Variants in CCDC25 observed in about 807,000 individuals in gnomAD.
The protein encoded by CCDC25 is coiled-coil domain-containing protein 25.
A neutral mutation model predicts 35.3 loss-of-function variants in CCDC25; 16 were observed. That is an observed-to-expected ratio of 0.45 (90% confidence interval 0.31 to 0.69). CCDC25 has a LOEUF of 0.69. CCDC25 is among the 30% of genes least tolerant of loss of function. CCDC25 has a pLI of 0.06. For synonymous variants in CCDC25, 79 were observed against 80.3 expected (o/e 0.98, Z 0.09); for missense variants, 179 against 250.7 (o/e 0.71, Z 1.93).
intron 7 of CCDC25, among the ~76,000 whole-genome samples, chr8:27,746,612 G>T (rs1047094802): frequency 4.6e-5 from 7 of 152,100 alleles, no homozygotes; most frequent in Non-Finnish European, 8.8e-5. Context: ...GCATCACTCA[G>T]AATTTCACAA....
intron 1 of CCDC25, among the ~76,000 whole-genome samples, chr8:27,768,402 T>C (rs543381171): frequency 6.6e-6 from 1 of 151,902 alleles, no homozygotes; most frequent in African/African-American, 2.4e-5. Context: ...CTGTCTCCAC[T>C]AAAAATTCAA....
At chr8:27,760,280 C>G (rs527708516) in intron 3 of CCDC25, among the ~76,000 whole-genome samples, 1 of 152,278 alleles carries the variant, frequency 6.6e-6, no homozygotes, top group African/African-American at 2.4e-5. Context: ...AGGTAGAAGG[C>G]TGTGGTACAC....
chr8:27,745,078 C>T (rs1350414129), intron 7 of CCDC25, among the ~76,000 whole-genome samples: 4 of 152,150 alleles, frequency 2.6e-5, no homozygotes, highest in Non-Finnish European at 5.9e-5. Flanking sequence ...TCACTGCAGC[C>T]TCAGCCAACA....
chr8:27,769,879 C>T (rs1049528660), intron 1 of CCDC25, among the ~76,000 whole-genome samples: 8 of 152,222 alleles, frequency 5.3e-5, no homozygotes, highest in African/African-American at 1.9e-4. Flanking sequence ...TGGTGATTCA[C>T]GCCTTTAATC....
At position 27,761,018 on chromosome 8, in the gene CCDC25, A is replaced by G. The variant is rs1448774216; in HGVS notation, c.116+1401T>C. ...ATGATGGGTGCCTGTAGTCCCAGCT[A>G]CTCGGGAGGCTGAGGCAGGAGAATC... On this transcript the variant is annotated intron_variant, in intron 3 of 8. Coordinates refer to ENST00000356537, the MANE Select transcript of CCDC25 (RefSeq NM_018246.3). Among the ~76,000 whole-genome samples the G allele has an allele frequency of 2.6e-5, 4 of 152,028 alleles. No individual in the cohort carries two copies. The East Asian group carries it at 7.7e-4, about 29-fold the overall frequency.
intron 8 of CCDC25, among the ~76,000 whole-genome samples, chr8:27,738,582 G>A (rs561649101): frequency 1.9e-4 from 27 of 142,322 alleles, no homozygotes; most frequent in African/African-American, 6.8e-4. Context: ...GTATATGTAT[G>A]TATGTAGGTC....
chr8:27,759,766 C>A (rs1431942611), intron 3 of CCDC25, among the ~76,000 whole-genome samples: 1 of 55,402 alleles, frequency 1.8e-5, no homozygotes, highest in Non-Finnish European at 3.3e-5. Flanking sequence ...GGTGACAGAG[C>A]AAGACTCTGT....
rs1022434609 is a variant in CCDC25, at chr8:27,735,259, G to A, written c.*957C>T. 6.6e-6 allele frequency: 1 copy of A among 152,538 alleles called. No individual in the cohort carries two copies. The highest frequency in any genetic ancestry group is 2.4e-5 in the African/African-American group (1 of 41,410). 9.4% of individuals were successfully genotyped at this position (152,538 alleles called of 1,614,324 possible). On this transcript the variant is annotated 3_prime_UTR_variant, in exon 9 of 9. Transcript: ENST00000356537. ...AATAAATGGAAACACTAGCCTTTTG[G>A]TTTTGCCCACAGTTCCAAAGTGCTA...
intron 5 of CCDC25, among the ~76,000 whole-genome samples, chr8:27,750,506 T>G (rs1319368418): frequency 1.3e-5 from 2 of 152,186 alleles, no homozygotes; most frequent in Non-Finnish European, 2.9e-5. Flanking sequence ...ATGTGGACCT[T>G]GAACCTTAGC....
rs1225585929 is a variant in CCDC25 at position 27,772,514 on chromosome 8, G to C, written c.27C>G (p.Ser9Arg). 22 of 1,549,754 alleles carry C rather than the reference G, an allele frequency of 1.4e-5. No individual in the cohort carries two copies. Among genetic ancestry groups the C allele is most frequent in the Non-Finnish European group, 1.8e-5 (21 of 1,146,572 alleles). The stretch of plus-strand genomic sequence containing the variant: ...CAGGAGGACGTGGCGCCCACTCACC[G>C]CTGCTGCTGGTGAAGTAGAACACCA... MVFYFTSS[S>R]VNSSAYTIYM... Residue 9 changes from serine to arginine, a missense_variant and splice_region_variant, in exon 1 of 9, where the codon AGC becomes AGG. By Grantham distance (110) the Ser-to-Arg change is moderately radical. Coordinates refer to ENST00000356537, the MANE Select transcript of CCDC25 (RefSeq NM_018246.3).
intron 7 of CCDC25, among the ~76,000 whole-genome samples, chr8:27,747,259 C>G (rs1803635820): frequency 1.3e-5 from 2 of 152,118 alleles, no homozygotes; most frequent in Non-Finnish European, 2.9e-5. Flanking sequence ...TGGATTAACT[C>G]AATCTAATCA....
intron 4 of CCDC25, among the ~76,000 whole-genome samples, chr8:27,754,209 T>G (rs1021701952): frequency 1.3e-5 from 2 of 152,190 alleles, no homozygotes; most frequent in Non-Finnish European, 2.9e-5. Flanking sequence ...TTCATAATGC[T>G]GAAAAATTGG....
At chr8:27,741,611 G>C (rs1416646202) in intron 7 of CCDC25, among the ~76,000 whole-genome samples, 1 of 152,166 alleles carries the variant, frequency 6.6e-6, no homozygotes, top group African/African-American at 2.4e-5. Context: ...CTAGGAGGTG[G>C]AGGTTGCAGT....
intron 2 of CCDC25, chr8:27,764,670 T>C (rs940486169): frequency 1.4e-5 from 3 of 221,124 alleles, no homozygotes; most frequent in Non-Finnish European, 2.8e-5. Context: ...ATCTGTGACA[T>C]AAATTATGTA....
At chr8:27,748,786 T>C (rs1803694756) in intron 5 of CCDC25, among the ~76,000 whole-genome samples, 188 bp from the exon 6 acceptor site, 1 of 152,168 alleles carries the variant, frequency 6.6e-6, no homozygotes, top group African/African-American at 2.4e-5. Context: ...GCTGACAAAA[T>C]TCAAACGGAA....
chr8:27,764,974 T>A (rs1804350725), intron 2 of CCDC25, among the ~76,000 whole-genome samples: 1 of 152,268 alleles, frequency 6.6e-6, no homozygotes, highest in African/African-American at 2.4e-5. Context: ...TTTCTCCTAC[T>A]AACCCATAAA....
In CCDC25 at chr8:27,737,280, CTG is replaced by C. The variant is rs1803267827; in HGVS notation, c.598-1037_598-1036del. Among the ~76,000 whole-genome samples, 1 of 152,170 alleles carries C rather than the reference CTG, an allele frequency of 6.6e-6. No homozygotes were observed. ...ACTATGATTGCCCCAGAGTCTTAAT[CTG>C]AAATAAAAGCAGTAGCAATGTTTGA... On this transcript the variant is annotated intron_variant, in intron 8 of 8. Coordinates refer to ENST00000356537, the MANE Select transcript of CCDC25 (RefSeq NM_018246.3). This position sits in a 1 kb window ranked among gnomAD's most constrained non-coding sequence, Gnocchi z 4.6.
chr8:27,769,401 T>G (rs927583885), intron 1 of CCDC25, among the ~76,000 whole-genome samples: 1 of 152,128 alleles, frequency 6.6e-6, no homozygotes, highest in Non-Finnish European at 1.5e-5. Flanking sequence ...CAGAGTAACT[T>G]TAAGGGGAAT....
chr8:27,765,059 G>C (rs1477808721), intron 2 of CCDC25, 145 bp downstream of exon 2: 1 of 670,582 alleles, frequency 1.5e-6, no homozygotes, highest in Non-Finnish European at 2.5e-6. Flanking sequence ...CCCTATGTGA[G>C]CTTGTTCTGT....
Sources: gnomAD v4.1 joint callset for allele counts (sites outside exome capture counted in the v4.1 genomes callset) on GRCh38, gnomAD v4.1.1 for gene constraint, Gnocchi (gnomAD v3.1) non-coding constraint, MANE v1.5 for transcripts, NCBI Gene and HGNC (gene_info 2026-07-23, HGNC 2026-07-21) for gene names.